Variants in MARCHF1 observed in about 807,000 individuals in gnomAD.
The protein encoded by MARCHF1 is membrane associated ring-CH-type finger 1.
MARCHF1 carries 40 observed loss-of-function variants against 54.2 expected under a neutral mutation model. That is an observed-to-expected ratio of 0.74 (90% CI 0.57 to 0.96). MARCHF1 has a LOEUF of 0.96. MARCHF1 is among the 40% of genes least tolerant of loss of function. The pLI is 0.00. For missense variants in MARCHF1, 586 were observed against 656.5 expected, an observed-to-expected ratio of 0.89 and a Z score of 1.17; for synonymous variants, 236 against 236.3, an observed-to-expected ratio of 1.00 and a Z score of 0.01.
chr4:164,043,641 C>G (rs1040491049), intron 2 of MARCHF1, among the ~76,000 whole-genome samples: 10 of 152,138 alleles, frequency 6.6e-5, no homozygotes, highest in African/African-American at 2.4e-4. Flanking sequence ...GGGTCTTTGT[C>G]ACTTATGCAA....
chr4:163,539,399 G>A (rs1738652488), intron 9 of MARCHF1, among the ~76,000 whole-genome samples: 1 of 152,118 alleles, frequency 6.6e-6, no homozygotes, highest in African/African-American at 2.4e-5. Flanking sequence ...AATTTCATAT[G>A]GTTGTTAGTG....
chr4:164,036,134 A>C (rs1206577314), intron 2 of MARCHF1, among the ~76,000 whole-genome samples: 3 of 150,956 alleles, frequency 2.0e-5, no homozygotes, highest in African/African-American at 4.9e-5. Context: ...CAAAAAACAA[A>C]AAAAAAAACA....
chr4:164,294,300 C>T (rs1170521247), intron 1 of MARCHF1, among the ~76,000 whole-genome samples: 1 of 152,118 alleles, frequency 6.6e-6, no homozygotes, highest in Non-Finnish European at 1.5e-5. Flanking sequence ...AGTCAATACC[C>T]CTTAATAAAC....
chr4:164,193,345 C>G (rs1406739317), intron 1 of MARCHF1, among the ~76,000 whole-genome samples: 1 of 151,896 alleles, frequency 6.6e-6, no homozygotes, highest in African/African-American at 2.4e-5. Context: ...TTAAAGATAC[C>G]CTATATCTGT....
At chr4:163,626,905 A>G (rs1741891618) in intron 5 of MARCHF1, among the ~76,000 whole-genome samples, 2 of 152,160 alleles carry the variant, frequency 1.3e-5, no homozygotes, top group African/African-American at 4.8e-5. Context: ...CATCTTGGTG[A>G]CAGAATGTGA....
rs71595261 is a variant in MARCHF1 at position 164,176,980 on chromosome 4, CTATATATATATA to C, written c.-322-65330_-322-65319del. 2.1e-3 allele frequency among the ~76,000 whole-genome samples: 125 copies of C among 58,914 alleles called. 4 individuals are homozygous for C. The Middle Eastern group carries it at 0.031, about 14-fold the overall frequency. 38.6% of individuals were successfully genotyped at this position (58,914 alleles called of 152,430 possible). A position where few individuals can be genotyped will look rare whatever the true frequency, so the allele number is the denominator to read the frequency against. ...TCTCTCTCTCTCTCTCTCTCTCTCT[CTATATATATATA>C]TATATATATATATATATACAAATGA... On this transcript the variant is annotated intron_variant, in intron 1 of 9. Transcript: ENST00000514618.
chr4:164,052,308 G>T (rs996184987), intron 2 of MARCHF1, among the ~76,000 whole-genome samples: 90 of 152,124 alleles, frequency 5.9e-4, no homozygotes, highest in African/African-American at 2.1e-3. Flanking sequence ...GAGGTGGGTG[G>T]ATCAATTGAG....
intron 1 of MARCHF1, among the ~76,000 whole-genome samples, chr4:164,315,231 CAAAAAA>C (rs58264322): frequency 5.3e-4 from 53 of 100,682 alleles, no homozygotes; most frequent in East Asian, 2.3e-3. Flanking sequence ...GTTAATTTAA[CAAAAAA>C]AAAAAAAAAA....
At chr4:163,788,069 G>C (rs557612654) in intron 4 of MARCHF1, among the ~76,000 whole-genome samples, 20 of 152,054 alleles carry the variant, frequency 1.3e-4, no homozygotes, top group African/African-American at 4.8e-4. Context: ...GATAGGGGAA[G>C]GGGGAGAGGA....
intron 3 of MARCHF1, among the ~76,000 whole-genome samples, chr4:163,880,608 C>G (rs1434612306): frequency 2.0e-5 from 3 of 151,426 alleles, no homozygotes; most frequent in Admixed American, 6.6e-5. Context: ...AAGAAAATAG[C>G]TTTTATGGAA....
chr4:163,860,288 G>A (rs963763786), intron 3 of MARCHF1, among the ~76,000 whole-genome samples: 1 of 152,076 alleles, frequency 6.6e-6, no homozygotes. Context: ...ACTTCCAGGG[G>A]CTGCATTATT....
intron 2 of MARCHF1, among the ~76,000 whole-genome samples, chr4:164,029,926 A>G (rs1038153540): frequency 4.6e-5 from 7 of 152,228 alleles, no homozygotes; most frequent in African/African-American, 1.7e-4. Context: ...TTTGTGTTCT[A>G]TGAAGAAATT....
chr4:164,123,775 T>G (rs1756125180), intron 1 of MARCHF1, among the ~76,000 whole-genome samples: 1 of 152,106 alleles, frequency 6.6e-6, no homozygotes, highest in Non-Finnish European at 1.5e-5. Context: ...GACCCCTAGC[T>G]TTTGCCATAT....
At chr4:163,916,822 T>C (rs1751318360) in intron 3 of MARCHF1, among the ~76,000 whole-genome samples, 1 of 152,140 alleles carries the variant, frequency 6.6e-6, no homozygotes, top group African/African-American at 2.4e-5. Context: ...CATCAATTTG[T>C]TACAATTGAT....
At chr4:164,052,990 C>A (rs75244419) in intron 2 of MARCHF1, among the ~76,000 whole-genome samples, 1 of 152,142 alleles carries the variant, frequency 6.6e-6, no homozygotes, top group African/African-American at 2.4e-5. Flanking sequence ...ATAATTTCTT[C>A]ATCTTTTCTA....
rs1270812294 is a variant in MARCHF1, at chr4:163,527,195, A to G, written c.*1553T>C. The G allele has an allele frequency of 6.6e-6, 1 of 152,072 alleles. No homozygotes were observed. The highest frequency in any genetic ancestry group is 1.5e-5 in the Non-Finnish European group (1 of 67,944). The allele number at this position is 152,072 out of a possible 1,614,324, so 9.4% of individuals were successfully genotyped here. ...TCTATAATCACCGTTAATCTAGCTC[A>G]CTGCAATGTCATTCACACATCAGTT... is the stretch of plus-strand genomic sequence containing the variant. On this transcript the variant is annotated 3_prime_UTR_variant, in exon 10 of 10. Transcript: ENST00000514618.
chr4:163,546,261 A>G (rs1738902963), intron 8 of MARCHF1, among the ~76,000 whole-genome samples: 1 of 152,230 alleles, frequency 6.6e-6, no homozygotes, highest in Non-Finnish European at 1.5e-5. Flanking sequence ...TATAGGCATG[A>G]GCCCCTGTGC....
chr4:164,109,912 TAAAAAAA>T (rs57433858), intron 2 of MARCHF1, among the ~76,000 whole-genome samples: 38 of 63,152 alleles, frequency 6.0e-4, no homozygotes, highest in South Asian at 7.4e-4. Flanking sequence ...AAAATAAAAG[TAAAAAAA>T]AAAAAAAAAA....
chr4:164,253,795 A>C (rs1158587594), intron 1 of MARCHF1, among the ~76,000 whole-genome samples: 1 of 152,202 alleles, frequency 6.6e-6, no homozygotes, highest in Non-Finnish European at 1.5e-5. Flanking sequence ...TCAAGAAATA[A>C]ATGGATAAAG....
Sources: gnomAD v4.1 joint callset for allele counts (sites outside exome capture counted in the v4.1 genomes callset) on GRCh38, gnomAD v4.1.1 for gene constraint, MANE v1.5 for transcripts, NCBI Gene and HGNC (gene_info 2026-07-23, HGNC 2026-07-21) for gene names.